Variants in ZZEF1 observed in about 807,000 individuals in gnomAD.
ZZEF1 encodes the protein zinc finger ZZ-type and EF-hand domain-containing protein 1.
In ZZEF1, 157 loss-of-function variants were observed where a neutral mutation model predicts 342.8. The observed-to-expected ratio is 0.46, with a 90% CI of 0.40 to 0.52. The LOEUF is 0.52. ZZEF1 is among the 20% of genes least tolerant of loss of function. ZZEF1 has a pLI of 0.00. For synonymous variants in ZZEF1, 1,505 were observed against 1,429.1 expected, an observed-to-expected ratio of 1.05 and a Z score of -1.20; for missense variants, 3,480 against 3,725.6, an observed-to-expected ratio of 0.93 and a Z score of 1.72.
rs141009276 is a variant in ZZEF1 at position 4,025,275 on chromosome 17, TA to T, written c.6893-158del. Among the ~76,000 whole-genome samples, 350 of 152,292 alleles carry T rather than the reference TA, an allele frequency of 2.3e-3. 1 individual carries two copies. Among genetic ancestry groups the T allele is most frequent in the African/African-American group, 8.1e-3 (338 of 41,554 alleles). On this transcript the variant is annotated intron_variant, in intron 42 of 54. Coordinates refer to ENST00000381638, the MANE Select transcript of ZZEF1 (RefSeq NM_015113.4). ...TTAGCCAATAAAGCCAGCTTGCAGG[TA>T]AACACAAAAATAGTAATGGCTACCT... is the stretch of plus-strand genomic sequence containing the variant.
chr17:4,120,313 C>T (rs1270837344), intron 2 of ZZEF1, among the ~76,000 whole-genome samples: 1 of 151,396 alleles, frequency 6.6e-6, no homozygotes. Flanking sequence ...GCCGAGACTG[C>T]GCCACTGCAC....
intron 45 of ZZEF1, among the ~76,000 whole-genome samples, chr17:4,020,377 T>C (rs1464230226): frequency 1.3e-5 from 2 of 152,264 alleles, no homozygotes; most frequent in African/African-American, 4.8e-5. Flanking sequence ...CAGAATTGCA[T>C]GTATGCTCTG....
intron 11 of ZZEF1, among the ~76,000 whole-genome samples, chr17:4,093,388 T>C (rs1467573260): frequency 6.6e-6 from 1 of 152,206 alleles, no homozygotes; most frequent in Non-Finnish European, 1.5e-5. Context: ...ACATTACAAA[T>C]GTGGATTTCA....
At chr17:4,095,427 T>C (rs1001089534) in intron 11 of ZZEF1, among the ~76,000 whole-genome samples, 1 of 152,220 alleles carries the variant, frequency 6.6e-6, no homozygotes, top group African/African-American at 2.4e-5. Context: ...AATTTCCTCA[T>C]TACGGTATCT....
intron 2 of ZZEF1, among the ~76,000 whole-genome samples, chr17:4,121,727 A>T (rs921025461): frequency 2.0e-5 from 3 of 146,776 alleles, no homozygotes; most frequent in Non-Finnish European, 4.5e-5. Context: ...GGAGATACAC[A>T]TTTTTTTTTT....
intron 33 of ZZEF1, among the ~76,000 whole-genome samples, chr17:4,055,378 G>T (rs1441798302): frequency 6.6e-6 from 1 of 152,218 alleles, no homozygotes; most frequent in Non-Finnish European, 1.5e-5. Flanking sequence ...GAAAATGAAT[G>T]AATCTGAGGC....
At chr17:4,106,001 G>A (rs1444718851) in intron 6 of ZZEF1, among the ~76,000 whole-genome samples, 192 bp from the exon 7 acceptor site, 3 of 152,144 alleles carry the variant, frequency 2.0e-5, no homozygotes, top group Non-Finnish European at 4.4e-5. Context: ...CCAGGCTAGA[G>A]TGCAGTGGTG....
intron 9 of ZZEF1, among the ~76,000 whole-genome samples, chr17:4,100,533 C>T (rs886781977): frequency 6.6e-6 from 1 of 152,158 alleles, no homozygotes; most frequent in Non-Finnish European, 1.5e-5. Context: ...TCAGACCAGG[C>T]ACAAGAGCTG....
intron 1 of ZZEF1, among the ~76,000 whole-genome samples, chr17:4,142,167 C>G (rs995862051): frequency 1.3e-5 from 2 of 152,150 alleles, no homozygotes; most frequent in Admixed American, 1.3e-4. Context: ...GTGTAAAAAC[C>G]TGGACAGGAC....
chr17:4,014,381 C>A lies in ZZEF1; in HGVS notation c.8280G>T (p.Gly2760=). 3 of 1,614,222 alleles carry A rather than the reference C, an allele frequency of 1.9e-6. No individual in the cohort carries two copies. Among genetic ancestry groups the A allele is most frequent in the Non-Finnish European group, 2.5e-6 (3 of 1,180,040 alleles). The change falls in exon 50 of 55, where the codon GGG becomes GGT. Residue 2760 remains glycine, a synonymous_variant. Transcript: ENST00000381638. The surrounding 1 kb of genome is among the most constrained non-coding windows in gnomAD (Gnocchi z 4.4). ...CAAAATCTTTCCACTTCTGCTGAGA[C>A]CCGCTGAAGCTGTGTCGGTCTTGCT... ...DFQQDRHSFS[G]SQQKWKDFEL... is the part of the protein sequence containing the mutation.
intron 3 of ZZEF1, among the ~76,000 whole-genome samples, chr17:4,115,619 C>T (rs1199869196): frequency 6.6e-6 from 1 of 152,040 alleles, no homozygotes; most frequent in African/African-American, 2.4e-5. Context: ...GCCGGGATCA[C>T]ACCACTGCAC....
At chr17:4,054,846 C>G (rs2057123304) in intron 33 of ZZEF1, among the ~76,000 whole-genome samples, 1 of 152,158 alleles carries the variant, frequency 6.6e-6, no homozygotes, top group Non-Finnish European at 1.5e-5. Flanking sequence ...AAAGGAACCC[C>G]ATGGCACATT....
Position 4,072,622 on chromosome 17 carries a change from G to C in ZZEF1, c.3820C>G (p.Arg1274Gly), listed in dbSNP as rs199850754. 2.5e-6 allele frequency: 4 copies of C among 1,612,424 alleles called. No homozygotes were observed. The highest frequency in any genetic ancestry group is 1.7e-4 in the Middle Eastern group (1 of 6,060). Reference sequence around the variant, plus strand: ...AGAGTAAATACCTCCTTACTATTCCGGTGTGGGTGAGTGGGCCAGCTTGCT... The same window carrying C: ...AGAGTAAATACCTCCTTACTATTCCCGTGTGGGTGAGTGGGCCAGCTTGCT... ...LEASWPTHPH[R>G]NSKEVKNIPD... is the part of the protein sequence containing the mutation. Residue 1274 changes from arginine (R) to glycine (G), a missense_variant, in exon 25 of 55, where the codon CGG becomes GGG. By Grantham distance (125) the Arg-to-Gly change is moderately radical (BLOSUM62 -2). Coordinates refer to ENST00000381638, the MANE Select transcript of ZZEF1 (RefSeq NM_015113.4).
chr17:4,074,404 A>C lies in ZZEF1; in HGVS notation c.3484-53T>G, dbSNP rs1245593533. The C allele has an allele frequency of 1.9e-6, 3 of 1,560,710 alleles. No individual in the cohort carries two copies. The African/African-American group carries it at 4.1e-5, about 21-fold the overall frequency. ...AGACAGATTAGAGGAGGAGTGCTTCAGAAATCAGCATGCTCTTCATGACGA... is the reference window on the plus strand; with the variant it reads ...AGACAGATTAGAGGAGGAGTGCTTCCGAAATCAGCATGCTCTTCATGACGA... On this transcript the variant is annotated intron_variant, in intron 23 of 54. Transcript: ENST00000381638.
Position 4,007,722 on chromosome 17 carries a change from C to T in ZZEF1, c.8806-752G>A, listed in dbSNP as rs187634465. Among the ~76,000 whole-genome samples, 46 of 152,268 alleles carry T rather than the reference C, an allele frequency of 3.0e-4. 1 individual carries two copies. In the East Asian group the frequency reaches 5.6e-3, roughly 19 times the overall value. ...GAGTTTCTACTCTGCCTACAGGTCT[C>T]GGGTGAATTCACACAAACTCTTCGG... On this transcript the variant is annotated intron_variant, in intron 54 of 54. Coordinates refer to ENST00000381638, the MANE Select transcript of ZZEF1 (RefSeq NM_015113.4).
At chr17:4,009,003 G>A in intron 53 of ZZEF1, 49 bp from the exon 54 acceptor site, 2 of 1,531,582 alleles carry the variant, frequency 1.3e-6, no homozygotes, top group Non-Finnish European at 1.8e-6. Context: ...GATGCGCAGT[G>A]CAGCTCTCCC....
intron 1 of ZZEF1, among the ~76,000 whole-genome samples, chr17:4,127,252 C>T (rs1338532369): frequency 6.6e-6 from 1 of 152,070 alleles, no homozygotes; most frequent in African/African-American, 2.4e-5. Flanking sequence ...GATTTTCCCA[C>T]CTCGGCCTCC....
At chr17:4,030,457 G>A (rs1223326129) in intron 42 of ZZEF1, among the ~76,000 whole-genome samples, 2 of 152,192 alleles carry the variant, frequency 1.3e-5, no homozygotes, top group African/African-American at 4.8e-5. Context: ...TATAAACTGA[G>A]GAACATCTGT....
Position 4,140,840 on chromosome 17 carries a change from T to C in ZZEF1, c.354+1702A>G, listed in dbSNP as rs1466653452. Reference sequence around the variant, plus strand: ...TTCATATTCTCATAATACGCGTAGATACTAGAAAGAAGGTACTATGTGTAT... The same window carrying C: ...TTCATATTCTCATAATACGCGTAGACACTAGAAAGAAGGTACTATGTGTAT... On this transcript the variant is annotated intron_variant, in intron 1 of 54. Transcript: ENST00000381638. 2.0e-5 allele frequency among the ~76,000 whole-genome samples: 3 copies of C among 151,622 alleles called. No individual in the cohort carries two copies. The East Asian group carries it at 5.8e-4, about 29-fold the overall frequency.
Sources: allele counts gnomAD v4.1 joint callset (sites outside exome capture counted in the v4.1 genomes callset), GRCh38; gene constraint gnomAD v4.1.1; non-coding constraint Gnocchi (gnomAD v3.1); transcripts MANE v1.5; gene names NCBI Gene and HGNC (gene_info 2026-07-23, HGNC 2026-07-21).